TJP2: variants seen among roughly 807,000 people sequenced by gnomAD.
The protein encoded by TJP2 is Friedreich ataxia region gene X104 (tight junction protein ZO-2).
A neutral mutation model predicts 133.1 loss-of-function variants in TJP2; 91 were observed. That is an observed-to-expected ratio of 0.68 (90% CI 0.58 to 0.81). The LOEUF is 0.81. Among genes scored for constraint, TJP2 ranks in the 40% least tolerant of loss-of-function variants. The pLI, the probability that TJP2 is intolerant of heterozygous loss-of-function variation, is 0.00. For missense variants in TJP2, 1,541 were observed against 1,565.6 expected (o/e 0.98, Z 0.26); for synonymous variants, 592 against 583.4 (o/e 1.01, Z -0.21).
chr9:69,219,098 T>C (rs898911499), intron 4 of TJP2, among the ~76,000 whole-genome samples: 2 of 151,856 alleles, frequency 1.3e-5, no homozygotes, highest in Non-Finnish European at 2.9e-5. Context: ...GCCTCCCGAG[T>C]AGCTGGGATT....
At chr9:69,239,582 G>A (rs532971713) in intron 16 of TJP2, among the ~76,000 whole-genome samples, 3 of 152,238 alleles carry the variant, frequency 2.0e-5, no homozygotes, top group Admixed American at 1.3e-4. Context: ...AGGCAGAGGC[G>A]GGCGGATCAC....
intron 1 of TJP2, chr9:69,145,683 C>G (rs937725800): frequency 4.5e-5 from 55 of 1,214,066 alleles, no homozygotes; most frequent in Admixed American, 2.1e-4. Flanking sequence ...ATTTACAGGA[C>G]CTTGTACCGA....
chr9:69,173,937 G>A (rs545476244), upstream of TJP2: 2 of 985,008 alleles, frequency 2.0e-6, no homozygotes, highest in South Asian at 4.7e-5. Context: ...ACGCCGCGGA[G>A]CGAACCATCG....
chr9:69,169,608 C>T (rs1239404910), upstream of TJP2, among the ~76,000 whole-genome samples: 4 of 152,168 alleles, frequency 2.6e-5, no homozygotes, highest in Admixed American at 2.0e-4. Flanking sequence ...GATCCATCCG[C>T]CTCGGCCTCC....
In TJP2 at chr9:69,218,235, C is replaced by G. The variant is rs756826194; in HGVS notation, c.240-22C>G. On this transcript the variant is annotated intron_variant, in intron 3 of 22. Coordinates refer to ENST00000377245, the MANE Select transcript of TJP2 (RefSeq NM_004817.4). ...GAATAGATGGGAGTTTTTCATGACC[C>G]ATTTTTATTTCTTGTTTACAGAGAA... The G allele has an allele frequency of 1.9e-6, 3 of 1,566,258 alleles. No individual in the cohort carries two copies. The South Asian group carries it at 3.3e-5, about 17-fold the overall frequency.
intron 11 of TJP2, among the ~76,000 whole-genome samples, chr9:69,230,834 C>G (rs1434996563): frequency 4.6e-5 from 7 of 152,194 alleles, no homozygotes; most frequent in African/African-American, 1.7e-4. Context: ...AGGTGAGTGT[C>G]CATTCTTTTT....
intron 1 of TJP2, 69 bp from the exon 2 acceptor site, chr9:69,212,479 T>G: frequency 8.3e-7 from 1 of 1,198,808 alleles, no homozygotes; most frequent in Non-Finnish European, 1.2e-6. Context: ...GCATTTTGAA[T>G]GATAATTTTA....
At chr9:69,187,650 C>T (rs1394881439) in intron 1 of TJP2, among the ~76,000 whole-genome samples, 3 of 152,210 alleles carry the variant, frequency 2.0e-5, no homozygotes, top group African/African-American at 4.8e-5. Flanking sequence ...TTCAGAAGAT[C>T]GGTGTGTTTT....
At chr9:69,218,970 A>T (rs59242330) in intron 4 of TJP2, among the ~76,000 whole-genome samples, 2,790 of 59,750 alleles carry the variant, frequency 0.047, 96 homozygotes, top group African/African-American at 0.17. Context: ...GTGTGTGTGT[A>T]TTTTTTTTTT....
intron 1 of TJP2, among the ~76,000 whole-genome samples, chr9:69,210,183 G>A (rs1262408332): frequency 6.6e-6 from 1 of 151,594 alleles, no homozygotes; most frequent in African/African-American, 2.4e-5. Flanking sequence ...CAGCTACTCG[G>A]GAGGCTGAGG....
intron 1 of TJP2, among the ~76,000 whole-genome samples, chr9:69,210,411 T>A (rs1290176729): frequency 6.6e-6 from 1 of 151,816 alleles, no homozygotes; most frequent in Non-Finnish European, 1.5e-5. Context: ...GAGTGCCTAC[T>A]CTGTGTGCCA....
At chr9:69,222,127 C>T (rs1464340119) in intron 5 of TJP2, among the ~76,000 whole-genome samples, 1 of 151,778 alleles carries the variant, frequency 6.6e-6, no homozygotes, top group East Asian at 1.9e-4. Context: ...CCACTGCAGC[C>T]TCCCAAAGTG....
chr9:69,177,992 C>G (rs2132964489), intron 1 of TJP2, among the ~76,000 whole-genome samples: 1 of 152,202 alleles, frequency 6.6e-6, no homozygotes, highest in East Asian at 1.9e-4. Context: ...CCTGCACAAG[C>G]TGGGGCAATG....
chr9:69,124,501 C>CA (rs1446669527), intron 1 of TJP2, among the ~76,000 whole-genome samples: 3 of 76,980 alleles, frequency 3.9e-5, no homozygotes, highest in African/African-American at 1.2e-4. Flanking sequence ...TGTGAGCCCC[C>CA]GCTATTTTTT....
chr9:69,206,288 T>TC (rs1475068499), intron 1 of TJP2, among the ~76,000 whole-genome samples: 15 of 151,666 alleles, frequency 9.9e-5, no homozygotes, highest in Non-Finnish European at 7.4e-5. Flanking sequence ...TGCATACACC[T>TC]CCCCCCACAA....
In TJP2 at chr9:69,216,296, A is replaced by G. The variant is rs754321769; in HGVS notation, c.115-43A>G. ...GTGCTTGTAATAAATCCTGAAAGCCACTTATTGAAGGATTTTTAATATTTC... is the reference window on the plus strand; with the variant it reads ...GTGCTTGTAATAAATCCTGAAAGCCGCTTATTGAAGGATTTTTAATATTTC... On this transcript the variant is annotated intron_variant, in intron 2 of 22. Transcript: ENST00000377245. 5 of 1,612,878 alleles carry G rather than the reference A, an allele frequency of 3.1e-6. No individual in the cohort carries two copies. The African/African-American group carries it at 5.3e-5, about 17-fold the overall frequency.
chr9:69,167,830 T>C (rs12346065), intron 2 of TJP2, among the ~76,000 whole-genome samples: 3,539 of 147,124 alleles, frequency 0.024, 156 homozygotes, highest in African/African-American at 0.083. Flanking sequence ...ATTGCACCAC[T>C]GCACTCCAGC....
intron 1 of TJP2, among the ~76,000 whole-genome samples, chr9:69,147,269 C>A (rs560934712): frequency 6.6e-6 from 1 of 152,284 alleles, no homozygotes; most frequent in Admixed American, 6.5e-5. Flanking sequence ...AAACAGGTTT[C>A]ATGTGGAAGA....
intron 1 of TJP2, among the ~76,000 whole-genome samples, chr9:69,151,305 A>T (rs1823462832): frequency 6.6e-6 from 1 of 152,090 alleles, no homozygotes; most frequent in Non-Finnish European, 1.5e-5. Flanking sequence ...AACATGGAGA[A>T]ACCCCGTCTC....
Sources: gnomAD v4.1 joint callset for allele counts (sites outside exome capture counted in the v4.1 genomes callset) on GRCh38, gnomAD v4.1.1 for gene constraint, MANE v1.5 for transcripts, NCBI Gene and HGNC (gene_info 2026-07-23, HGNC 2026-07-21) for gene names.